FSTL4: variants seen among roughly 807,000 people sequenced by gnomAD.
FSTL4 encodes follistatin like 4.
In FSTL4, 28 loss-of-function variants were observed where a neutral mutation model predicts 78.2. That is an observed-to-expected ratio of 0.36 (90% CI 0.27 to 0.49). FSTL4 has a LOEUF of 0.49. FSTL4 is among the 20% of genes least tolerant of loss of function. The probability of loss-of-function intolerance (pLI) is 0.98; values close to 1 mark genes in which losing one functional copy is unlikely to be tolerated. For missense variants in FSTL4, 922 were observed against 1,084.9 expected (o/e 0.85, Z 2.11); for synonymous variants, 422 against 440.5 (o/e 0.96, Z 0.53).
At chr5:133,286,957 T>G (rs1159430707) in intron 6 of FSTL4, among the ~76,000 whole-genome samples, 2 of 152,182 alleles carry the variant, frequency 1.3e-5, no homozygotes, top group Non-Finnish European at 2.9e-5. Context: ...GTAAATATCA[T>G]TCTGTCTCTC....
chr5:133,649,573 CATT>C, the FSTL4 span, among the ~76,000 whole-genome samples: 1 of 152,134 alleles, frequency 6.6e-6, no homozygotes, highest in Non-Finnish European at 1.5e-5. Flanking sequence ...AGTGATATCT[CATT>C]GTTGTTTTAA....
At chr5:133,200,578 G>A (rs1032008116) in intron 15 of FSTL4, among the ~76,000 whole-genome samples, 7 of 152,244 alleles carry the variant, frequency 4.6e-5, no homozygotes, top group African/African-American at 1.7e-4. Flanking sequence ...AACTTTAGCA[G>A]AGGGACTCAG....
At chr5:133,694,784 G>A in the FSTL4 span, among the ~76,000 whole-genome samples, 1 of 152,208 alleles carries the variant, frequency 6.6e-6, no homozygotes, top group Non-Finnish European at 1.5e-5. Flanking sequence ...CTGGTGTCTA[G>A]CAAGGGTCCT....
the FSTL4 span, among the ~76,000 whole-genome samples, chr5:133,705,324 G>C: frequency 6.6e-6 from 1 of 152,176 alleles, no homozygotes; most frequent in African/African-American, 2.4e-5. Flanking sequence ...CTCCCAAAGT[G>C]CTAGGATTAC....
intron 5 of FSTL4, among the ~76,000 whole-genome samples, chr5:133,314,198 A>G (rs1296559510): frequency 6.6e-6 from 1 of 152,196 alleles, no homozygotes; most frequent in Non-Finnish European, 1.5e-5. Flanking sequence ...TCTTCCTGCA[A>G]GTAGCTGTAA....
chr5:133,321,734 G>T (rs754680899), intron 4 of FSTL4, among the ~76,000 whole-genome samples: 1 of 152,248 alleles, frequency 6.6e-6, no homozygotes, highest in African/African-American at 2.4e-5. Context: ...CTGGGATGGG[G>T]AGACTCAGAA....
At chr5:133,441,715 A>G (rs896845064) in intron 3 of FSTL4, among the ~76,000 whole-genome samples, 1 of 152,294 alleles carries the variant, frequency 6.6e-6, no homozygotes, top group South Asian at 2.1e-4. Context: ...CCACTCCAGC[A>G]ATGTTGCCAC....
intron 2 of FSTL4, among the ~76,000 whole-genome samples, chr5:133,601,887 T>C (rs959725657): frequency 6.6e-6 from 1 of 151,804 alleles, no homozygotes; most frequent in African/African-American, 2.4e-5. Context: ...TTTTGCTATG[T>C]TGCCCAGGCT....
chr5:133,556,918 T>G (rs1759799599), intron 3 of FSTL4, among the ~76,000 whole-genome samples: 1 of 152,228 alleles, frequency 6.6e-6, no homozygotes. Context: ...CTCTCTATTT[T>G]GGGTGATTTC....
At chr5:133,786,191 C>CTGG in the FSTL4 span, among the ~76,000 whole-genome samples, 3 of 152,168 alleles carry the variant, frequency 2.0e-5, no homozygotes, top group Non-Finnish European at 4.4e-5. Flanking sequence ...AGGTGCCTAC[C>CTGG]AGCAAAGCAG....
At chr5:133,657,879 A>G in the FSTL4 span, among the ~76,000 whole-genome samples, 13 of 151,178 alleles carry the variant, frequency 8.6e-5, no homozygotes, top group Non-Finnish European at 1.0e-4. Flanking sequence ...GTCCTCCTTC[A>G]TAAATAATGC....
intron 2 of FSTL4, among the ~76,000 whole-genome samples, chr5:133,577,865 C>T (rs1760319868): frequency 6.6e-6 from 1 of 152,166 alleles, no homozygotes; most frequent in Non-Finnish European, 1.5e-5. Context: ...CGCCACTGCA[C>T]TCCAACCTGG....
the FSTL4 span, among the ~76,000 whole-genome samples, chr5:133,666,751 C>A: frequency 6.6e-6 from 1 of 152,108 alleles, no homozygotes; most frequent in Non-Finnish European, 1.5e-5. Flanking sequence ...ACTTTTTTCT[C>A]TCTTATTCAG....
At chr5:133,393,395 T>C (rs1211554938) in intron 4 of FSTL4, among the ~76,000 whole-genome samples, 1 of 152,236 alleles carries the variant, frequency 6.6e-6, no homozygotes, top group Non-Finnish European at 1.5e-5. Flanking sequence ...CCTCAGGTCC[T>C]GGCACAGCCT....
At chr5:133,570,607 T>C (rs1256960520) in intron 2 of FSTL4, among the ~76,000 whole-genome samples, 10 of 152,220 alleles carry the variant, frequency 6.6e-5, no homozygotes, top group Non-Finnish European at 1.5e-4. Context: ...ATAGTCATGA[T>C]AGTTAATTCC....
chr5:133,553,951 G>C (rs150716363), intron 3 of FSTL4, among the ~76,000 whole-genome samples: 40 of 152,268 alleles, frequency 2.6e-4, no homozygotes, highest in African/African-American at 9.4e-4. Flanking sequence ...AGAACTAAGA[G>C]CACTGGCTTA....
the FSTL4 span, among the ~76,000 whole-genome samples, chr5:133,651,576 C>T: frequency 1.3e-5 from 2 of 152,022 alleles, no homozygotes; most frequent in Non-Finnish European, 2.9e-5. Context: ...GTCTGGTATA[C>T]CTGGGATAAA....
the FSTL4 span, among the ~76,000 whole-genome samples, chr5:133,766,639 G>C: frequency 1.3e-5 from 2 of 152,224 alleles, no homozygotes; most frequent in Admixed American, 1.3e-4. Context: ...CCTTGGCACA[G>C]TGAAAGGAAA....
chr5:133,550,782 A>T (rs1416769868), intron 3 of FSTL4, among the ~76,000 whole-genome samples: 2 of 152,230 alleles, frequency 1.3e-5, no homozygotes, highest in African/African-American at 4.8e-5. Context: ...ACAACTCTCA[A>T]CTCAATGAGA....
Sources: gnomAD v4.1 joint callset for allele counts (sites outside exome capture counted in the v4.1 genomes callset) on GRCh38, gnomAD v4.1.1 for gene constraint, MANE v1.5 for transcripts, NCBI Gene and HGNC (gene_info 2026-07-23, HGNC 2026-07-21) for gene names.